Variants in NR2E1 observed in about 807,000 individuals in gnomAD.
NR2E1 encodes nuclear receptor TLX.
A neutral mutation model predicts 43.6 loss-of-function variants in NR2E1; 5 were observed. The observed-to-expected ratio is 0.11, with a 90% CI of 0.06 to 0.24. The LOEUF is 0.24. NR2E1 is among the 10% of genes least tolerant of loss of function. NR2E1 has a pLI of 1.00. For missense variants in NR2E1, 287 were observed against 496.7 expected, an observed-to-expected ratio of 0.58 and a Z score of 4.01; for synonymous variants, 191 against 195.5, an observed-to-expected ratio of 0.98 and a Z score of 0.19.
Position 108,187,836 on chromosome 6 carries a change from G to T in NR2E1, c.*373G>T. 1 of 310,792 alleles carries T rather than the reference G, an allele frequency of 3.2e-6. No individual in the cohort carries two copies. The highest frequency in any genetic ancestry group is 3.1e-5 in the South Asian group (1 of 32,342). 19.3% of individuals were successfully genotyped at this position (310,792 alleles called of 1,614,324 possible). On this transcript the variant is annotated 3_prime_UTR_variant, in exon 9 of 9. Transcript: ENST00000368986. ...TTTCTCTTCCTTTTTAGCATACAAA[G>T]TTTGGTAACCAAATATAGCTCTGTG...
Position 108,166,638 on chromosome 6 carries a change from C to T in NR2E1, c.-128C>T, listed in dbSNP as rs1186921158. Reference sequence around the variant, plus strand: ...CAGCGCAGCGCGCGACTGACACCCACCTGTCCCGCCCAGGAGCCTTGCAGG... The same window carrying T: ...CAGCGCAGCGCGCGACTGACACCCATCTGTCCCGCCCAGGAGCCTTGCAGG... On this transcript the variant is annotated 5_prime_UTR_variant, in exon 1 of 9. Transcript: ENST00000368986. The surrounding 1 kb of genome is among the most constrained non-coding windows in gnomAD (Gnocchi z 7.2). 10 of 709,476 alleles carry T rather than the reference C, an allele frequency of 1.4e-5. No individual in the cohort carries two copies. Among genetic ancestry groups the T allele is most frequent in the African/African-American group, 1.9e-5 (1 of 52,180 alleles). 43.9% of individuals were successfully genotyped at this position (709,476 alleles called of 1,614,324 possible). A position where few individuals can be genotyped will look rare whatever the true frequency, so the allele number is the denominator to read the frequency against.
chr6:108,184,206 CAA>C (rs1333272417), intron 8 of NR2E1, among the ~76,000 whole-genome samples: 1 of 151,924 alleles, frequency 6.6e-6, no homozygotes, highest in Non-Finnish European at 1.5e-5. Context: ...AAAAAACAAA[CAA>C]AAAAATTAAA....
chr6:108,173,133 G>A (rs1345574164), intron 2 of NR2E1, among the ~76,000 whole-genome samples: 1 of 152,154 alleles, frequency 6.6e-6, no homozygotes, highest in Non-Finnish European at 1.5e-5. Context: ...CATCAGGCCT[G>A]GTGTTCTTCT....
Position 108,187,882 on chromosome 6 carries a change from T to G in NR2E1, c.*419T>G. 4.9e-6 allele frequency: 1 copy of G among 203,976 alleles called. No individual in the cohort carries two copies. The highest frequency in any genetic ancestry group is 1.0e-5 in the Non-Finnish European group (1 of 97,850). The allele number at this position is 203,976 out of a possible 1,614,324, so 12.6% of individuals were successfully genotyped here. A position where few individuals can be genotyped will look rare whatever the true frequency, so the allele number is the denominator to read the frequency against. On this transcript the variant is annotated 3_prime_UTR_variant, in exon 9 of 9. Transcript: ENST00000368986. ...CTGTGTATAACATCGTACTGCGGCC[T>G]TCAAAACTACGTTATGTTGGAGCAT... is the stretch of plus-strand genomic sequence containing the variant.
chr6:108,171,942 A>G (rs943184714), intron 2 of NR2E1, among the ~76,000 whole-genome samples: 3 of 152,158 alleles, frequency 2.0e-5, no homozygotes, highest in Non-Finnish European at 4.4e-5. Context: ...AGAATTTAGC[A>G]TCTAAACCAC....
intron 8 of NR2E1, among the ~76,000 whole-genome samples, chr6:108,185,310 G>A (rs546470803): frequency 6.6e-6 from 1 of 152,196 alleles, no homozygotes; most frequent in South Asian, 2.1e-4. Context: ...AATTATTGAT[G>A]CTAATGGATG....
chr6:108,173,668 A>G (rs1327397930), intron 2 of NR2E1, among the ~76,000 whole-genome samples: 1 of 152,256 alleles, frequency 6.6e-6, no homozygotes, highest in Non-Finnish European at 1.5e-5. Context: ...ATGAAGCAAA[A>G]TAAAAATACA....
intron 1 of NR2E1, among the ~76,000 whole-genome samples, chr6:108,170,956 C>T (rs1447421908): frequency 1.3e-5 from 2 of 152,118 alleles, no homozygotes; most frequent in African/African-American, 4.8e-5. Context: ...ATAATAACAC[C>T]GCCCGGCGGA....
chr6:108,184,795 C>T (rs1208008551), intron 8 of NR2E1, among the ~76,000 whole-genome samples: 2 of 152,058 alleles, frequency 1.3e-5, no homozygotes, highest in Non-Finnish European at 2.9e-5. Flanking sequence ...CTCCCCAACA[C>T]CGCAAAAGAA....
At chr6:108,173,904 G>A (rs927437310) in intron 2 of NR2E1, among the ~76,000 whole-genome samples, 1 of 152,154 alleles carries the variant, frequency 6.6e-6, no homozygotes, top group African/African-American at 2.4e-5. Context: ...ACAGAAAATT[G>A]CATTAGGTAA....
At chr6:108,183,828 A>AAT (rs750783416) in intron 8 of NR2E1, among the ~76,000 whole-genome samples, 7 of 152,220 alleles carry the variant, frequency 4.6e-5, no homozygotes, top group Non-Finnish European at 1.0e-4. Flanking sequence ...TGAATTACAG[A>AAT]ATATATATAG....
intron 5 of NR2E1, chr6:108,178,762 C>T: frequency 1.1e-5 from 2 of 187,302 alleles, no homozygotes; most frequent in Non-Finnish European, 2.3e-5. Flanking sequence ...ACAGTGCACA[C>T]CTCCTGTAGG....
chr6:108,178,967 A>G (rs1261900894), intron 5 of NR2E1: 1 of 152,648 alleles, frequency 6.6e-6, no homozygotes, highest in African/African-American at 2.4e-5. Flanking sequence ...CCTTAAAGGA[A>G]AGAAAGAAAA....
At chr6:108,184,218 A>G (rs1774038976) in intron 8 of NR2E1, among the ~76,000 whole-genome samples, 1 of 152,170 alleles carries the variant, frequency 6.6e-6, no homozygotes, top group African/African-American at 2.4e-5. Flanking sequence ...AAAAAATTAA[A>G]AAGACAAAAA....
chr6:108,170,380 T>C (rs1773791039), intron 1 of NR2E1, among the ~76,000 whole-genome samples: 2 of 152,196 alleles, frequency 1.3e-5, no homozygotes, highest in South Asian at 4.1e-4. Flanking sequence ...GGAGGAAGCA[T>C]TTCTAAGTCC....
rs1426067404 is a variant in NR2E1, at chr6:108,181,581, C to T, written c.925C>T (p.Arg309Trp). The T allele has an allele frequency of 6.2e-7, 1 of 1,614,132 alleles. No homozygotes were observed. Among genetic ancestry groups the T allele is most frequent in the Non-Finnish European group, 8.5e-7 (1 of 1,179,990 alleles). ...TAGTGGTTCTGAACTGAGAAGTTTC[C>T]GGAATGCTGCCGCCATTGCAGCCCT... ...THSGSELRSF[R>W]NAAAIAALQD... The change falls in exon 8 of 9, where the codon CGG becomes TGG. Residue 309 changes from arginine to tryptophan, a missense_variant. Transcript: ENST00000368986.
At chr6:108,175,901 A>T (rs1773888626) in intron 3 of NR2E1, among the ~76,000 whole-genome samples, 1 of 152,218 alleles carries the variant, frequency 6.6e-6, no homozygotes, top group Admixed American at 6.5e-5. Flanking sequence ...TGTTGGTGGT[A>T]ATTGTCACAT....
chr6:108,187,028 T>G (rs914161266), intron 8 of NR2E1, among the ~76,000 whole-genome samples: 1 of 152,174 alleles, frequency 6.6e-6, no homozygotes, highest in African/African-American at 2.4e-5. Flanking sequence ...TTCTTAAATT[T>G]CTTTTTTTTT....
At chr6:108,184,247 T>G (rs1423166880) in intron 8 of NR2E1, among the ~76,000 whole-genome samples, 1 of 152,096 alleles carries the variant, frequency 6.6e-6, no homozygotes, top group African/African-American at 2.4e-5. Context: ...CAAACTAACT[T>G]GTATGTCCTA....
Sources: gnomAD v4.1 joint callset for allele counts (sites outside exome capture counted in the v4.1 genomes callset) on GRCh38, gnomAD v4.1.1 for gene constraint, Gnocchi (gnomAD v3.1) non-coding constraint, MANE v1.5 for transcripts, NCBI Gene and HGNC (gene_info 2026-07-23, HGNC 2026-07-21) for gene names.